The following SPAG16 variants were observed in gnomAD, a reference collection of about 807,000 sequenced individuals.
SPAG16 encodes the protein sperm-associated antigen 16 protein.
In SPAG16, 86 loss-of-function variants were observed where a neutral mutation model predicts 80.4. The observed-to-expected ratio is 1.07, with a 90% CI of 0.90 to 1.28. SPAG16 has a LOEUF of 1.28. Ranked by LOEUF, SPAG16 falls within the 50% of genes most tolerant of loss-of-function variation. SPAG16 has a pLI of 0.00. For missense variants in SPAG16, 870 were observed against 765.3 expected, an observed-to-expected ratio of 1.14 and a Z score of -1.61; for synonymous variants, 294 against 265.9, an observed-to-expected ratio of 1.11 and a Z score of -1.03.
At chr2:214,069,749 A>G (rs951092090) in intron 13 of SPAG16, among the ~76,000 whole-genome samples, 1 of 151,962 alleles carries the variant, frequency 6.6e-6, no homozygotes, top group Non-Finnish European at 1.5e-5. Flanking sequence ...AAACTTCTAT[A>G]TCTACTCATA....
At chr2:213,977,326 A>T (rs1285535525) in intron 12 of SPAG16, among the ~76,000 whole-genome samples, 1 of 152,006 alleles carries the variant, frequency 6.6e-6, no homozygotes. Context: ...CCAGGCATGG[A>T]TGAGATTCCT....
chr2:213,624,712 G>T (rs2125063002), intron 10 of SPAG16, among the ~76,000 whole-genome samples: 1 of 152,312 alleles, frequency 6.6e-6, no homozygotes, highest in East Asian at 1.9e-4. Context: ...TTTTGTTGAA[G>T]CAGATAATAG....
At chr2:214,116,158 T>A (rs1424804827) in intron 14 of SPAG16, among the ~76,000 whole-genome samples, 1 of 151,486 alleles carries the variant, frequency 6.6e-6, no homozygotes, top group Non-Finnish European at 1.5e-5. Flanking sequence ...CCAAAACCAT[T>A]TGCCCAGGCA....
In SPAG16 at chr2:214,017,615, G is replaced by T. The variant is rs569042332; in HGVS notation, c.1527+3538G>T. Among the ~76,000 whole-genome samples, 69 of 152,082 alleles carry T rather than the reference G, an allele frequency of 4.5e-4. 1 individual carries two copies. The highest frequency in any genetic ancestry group is 6.8e-3 in the Middle Eastern group (2 of 294). On this transcript the variant is annotated intron_variant, in intron 13 of 15. Coordinates refer to ENST00000331683, the MANE Select transcript of SPAG16 (RefSeq NM_024532.5). ...GAATGCATACAGCTGTTTATTGATG[G>T]TGACCTTCCTCCCTCCCTGAGGTTC...
chr2:213,622,506 A>G (rs1322274407), intron 10 of SPAG16, among the ~76,000 whole-genome samples: 1 of 152,190 alleles, frequency 6.6e-6, no homozygotes, highest in Admixed American at 6.5e-5. Context: ...GCAGCACCCA[A>G]TTAAAACCTC....
intron 10 of SPAG16, among the ~76,000 whole-genome samples, chr2:213,526,783 C>A (rs1255567217): frequency 6.6e-6 from 1 of 152,130 alleles, no homozygotes; most frequent in African/African-American, 2.4e-5. Context: ...GAACAAATTT[C>A]TAGGTTAATT....
At chr2:214,318,786 C>T (rs1273965125) in intron 15 of SPAG16, among the ~76,000 whole-genome samples, 3 of 152,086 alleles carry the variant, frequency 2.0e-5, no homozygotes, top group African/African-American at 7.2e-5. Context: ...GAGGTAACAA[C>T]AGGCACCTTG....
At chr2:214,009,990 A>T (rs1490156283) in intron 12 of SPAG16, among the ~76,000 whole-genome samples, 1 of 147,222 alleles carries the variant, frequency 6.8e-6, no homozygotes, top group Non-Finnish European at 1.5e-5. Context: ...TGCATAAAGG[A>T]ATCACCTGAG....
chr2:213,776,733 T>C (rs1422707672), intron 10 of SPAG16, among the ~76,000 whole-genome samples: 2 of 152,002 alleles, frequency 1.3e-5, no homozygotes, highest in South Asian at 4.1e-4. Flanking sequence ...CAGACATTAC[T>C]TTTAGAGACT....
At chr2:213,555,460 G>A (rs2059396734) in intron 10 of SPAG16, among the ~76,000 whole-genome samples, 1 of 152,140 alleles carries the variant, frequency 6.6e-6, no homozygotes, top group Admixed American at 6.5e-5. Context: ...TGTAAAGAAG[G>A]TGCCTACTTC....
intron 10 of SPAG16, among the ~76,000 whole-genome samples, chr2:213,774,389 G>A (rs2069441366): frequency 6.6e-6 from 1 of 152,028 alleles, no homozygotes; most frequent in Non-Finnish European, 1.5e-5. Flanking sequence ...TTTTTGTCTT[G>A]TAGATGCATC....
chr2:213,833,874 A>G (rs2073938032), intron 10 of SPAG16, among the ~76,000 whole-genome samples: 1 of 151,600 alleles, frequency 6.6e-6, no homozygotes, highest in South Asian at 2.1e-4. Context: ...CTCCCATCAC[A>G]GGGTCATGGC....
At chr2:213,488,908 T>A (rs1442278285) in intron 9 of SPAG16, among the ~76,000 whole-genome samples, 1 of 149,868 alleles carries the variant, frequency 6.7e-6, no homozygotes, top group African/African-American at 2.4e-5. Context: ...GAAAACCGTC[T>A]ACTAAAAATA....
At chr2:213,632,717 AT>A (rs142169621) in intron 10 of SPAG16, among the ~76,000 whole-genome samples, 3,939 of 152,256 alleles carry the variant, frequency 0.026, 72 homozygotes, top group African/African-American at 0.047. Context: ...TACAGCATCA[AT>A]TGAAATGATC....
chr2:213,474,671 A>G (rs2073274402), intron 9 of SPAG16, among the ~76,000 whole-genome samples: 1 of 152,042 alleles, frequency 6.6e-6, no homozygotes, highest in Admixed American at 6.6e-5. Context: ...TAAGCAGCCA[A>G]CTCCAGAAAC....
intron 10 of SPAG16, among the ~76,000 whole-genome samples, chr2:213,625,680 GTTTTTGTT>G (rs2061937256): frequency 6.6e-6 from 1 of 150,786 alleles, no homozygotes; most frequent in Non-Finnish European, 1.5e-5. Flanking sequence ...TTTTTTGTTT[GTTTTTGTT>G]TTTGTTTTTG....
intron 10 of SPAG16, among the ~76,000 whole-genome samples, chr2:213,751,665 G>A (rs1395836168): frequency 2.6e-5 from 4 of 152,098 alleles, no homozygotes; most frequent in African/African-American, 9.7e-5. Flanking sequence ...CTCCCCTGAC[G>A]CACACGCACG....
intron 11 of SPAG16, among the ~76,000 whole-genome samples, chr2:213,929,007 T>A (rs2078630081): frequency 7.8e-6 from 1 of 127,672 alleles, no homozygotes; most frequent in East Asian, 2.2e-4. Flanking sequence ...TTTCTTTTTT[T>A]TTTTTTTTTT....
chr2:214,326,393 C>T (rs567850456), intron 15 of SPAG16, among the ~76,000 whole-genome samples: 1 of 152,248 alleles, frequency 6.6e-6, no homozygotes, highest in South Asian at 2.1e-4. Flanking sequence ...TGATTTTGGA[C>T]TTCTAACCTT....
Sources: gnomAD v4.1 joint callset for allele counts (sites outside exome capture counted in the v4.1 genomes callset) on GRCh38, gnomAD v4.1.1 for gene constraint, MANE v1.5 for transcripts, NCBI Gene and HGNC (gene_info 2026-07-23, HGNC 2026-07-21) for gene names.